Variants in CTNNA2 observed in about 807,000 individuals in gnomAD.
CTNNA2 encodes the protein catenin alpha 2.
Under a neutral mutation model 101.0 loss-of-function variants are expected in CTNNA2, and 42 were observed. That is an observed-to-expected ratio of 0.42 (90% confidence interval 0.32 to 0.54). The LOEUF (loss-of-function observed/expected upper bound fraction) is 0.54, where lower values mean the gene tolerates loss of function less well. CTNNA2 is among the 20% of genes least tolerant of loss of function. CTNNA2 has a pLI of 0.14. For missense variants in CTNNA2, 871 were observed against 1,223.1 expected (o/e 0.71, Z 4.29); for synonymous variants, 450 against 456.4 (o/e 0.99, Z 0.18).
At chr2:79,518,343 T>C (rs1199978500) in intron 1 of CTNNA2, among the ~76,000 whole-genome samples, 1 of 152,184 alleles carries the variant, frequency 6.6e-6, no homozygotes, top group Non-Finnish European at 1.5e-5. Context: ...TGAGTGGACA[T>C]GCCAGAGGGC....
intron 7 of CTNNA2, among the ~76,000 whole-genome samples, chr2:79,993,649 G>A (rs753296754): frequency 1.3e-5 from 2 of 152,162 alleles, no homozygotes; most frequent in Admixed American, 6.5e-5. Context: ...CAGGTAGTGT[G>A]GAGTGAAGAG....
At chr2:80,430,401 A>G (rs1681382891) in intron 9 of CTNNA2, among the ~76,000 whole-genome samples, 1 of 152,188 alleles carries the variant, frequency 6.6e-6, no homozygotes, top group African/African-American at 2.4e-5. Flanking sequence ...GAGAAACCTG[A>G]GGCTCAAGGA....
chr2:79,266,386 A>G (rs1674986802), intron 2 of CTNNA2, among the ~76,000 whole-genome samples: 1 of 152,170 alleles, frequency 6.6e-6, no homozygotes, highest in Admixed American at 6.5e-5. Context: ...AGTGTCAGTT[A>G]CCCACCGTGG....
chr2:79,874,384 G>C, intron 6 of CTNNA2, 42 bp downstream of exon 6: 1 of 1,562,110 alleles, frequency 6.4e-7, no homozygotes, highest in African/African-American at 1.5e-5. Flanking sequence ...GGGCACTGGT[G>C]TTGACAAAAA....
chr2:79,476,144 G>A (rs780542663), intron 4 of CTNNA2, among the ~76,000 whole-genome samples: 5 of 152,218 alleles, frequency 3.3e-5, no homozygotes, highest in Non-Finnish European at 7.3e-5. Context: ...AAAAGCAAGT[G>A]TGATTTGAAA....
chr2:79,316,320 G>A (rs1002192027), intron 3 of CTNNA2, among the ~76,000 whole-genome samples: 3 of 152,010 alleles, frequency 2.0e-5, no homozygotes, highest in Non-Finnish European at 4.4e-5. Context: ...CTCTTCTTAT[G>A]CCTGTACCAC....
chr2:80,602,812 A>C (rs918206596), intron 15 of CTNNA2, among the ~76,000 whole-genome samples: 2 of 152,086 alleles, frequency 1.3e-5, no homozygotes, highest in African/African-American at 2.4e-5. Context: ...ACTACAACAA[A>C]ATGAAATACC....
At chr2:79,802,512 A>C (rs971905638) in intron 3 of CTNNA2, among the ~76,000 whole-genome samples, 1 of 152,160 alleles carries the variant, frequency 6.6e-6, no homozygotes, top group African/African-American at 2.4e-5. Context: ...AGTGACCCCA[A>C]GGTTACAAAG....
intron 3 of CTNNA2, among the ~76,000 whole-genome samples, chr2:79,798,560 C>CTTTTTTTT (rs34542700): frequency 1.1e-4 from 13 of 123,792 alleles, no homozygotes; most frequent in African/African-American, 3.8e-4. Context: ...TATAATAAGA[C>CTTTTTTTT]TTTTTTTTTT....
intron 2 of CTNNA2, among the ~76,000 whole-genome samples, chr2:79,254,804 A>G (rs533797326): frequency 4.4e-4 from 67 of 152,342 alleles, no homozygotes; most frequent in African/African-American, 1.2e-3. Flanking sequence ...AAATGACAAC[A>G]TTGTTTATCT....
At chr2:79,231,341 C>G (rs1312552055) in intron 2 of CTNNA2, among the ~76,000 whole-genome samples, 2 of 152,130 alleles carry the variant, frequency 1.3e-5, no homozygotes, top group Admixed American at 1.3e-4. Context: ...ATGGGTTTAT[C>G]TGGGTTTTCC....
At chr2:79,872,851 T>A (rs1318274312) in intron 5 of CTNNA2, among the ~76,000 whole-genome samples, 2 of 138,470 alleles carry the variant, frequency 1.4e-5, no homozygotes, top group African/African-American at 6.0e-5. Flanking sequence ...GCTGGAAGAA[T>A]ATTCTCCCAG....
At chr2:80,129,401 A>G (rs1702298476) in intron 7 of CTNNA2, among the ~76,000 whole-genome samples, 1 of 152,174 alleles carries the variant, frequency 6.6e-6, no homozygotes, top group Non-Finnish European at 1.5e-5. Flanking sequence ...TCTTCACAGC[A>G]GGTTGTCTTG....
chr2:79,435,698 C>A (rs1481487908), intron 4 of CTNNA2, among the ~76,000 whole-genome samples: 1 of 152,122 alleles, frequency 6.6e-6, no homozygotes, highest in Admixed American at 6.5e-5. Context: ...TTGATGACAA[C>A]AAATGCAGCA....
At chr2:80,552,405 CAAA>C (rs1692645945) in intron 11 of CTNNA2, among the ~76,000 whole-genome samples, 1 of 152,078 alleles carries the variant, frequency 6.6e-6, no homozygotes, top group Non-Finnish European at 1.5e-5. Flanking sequence ...TAATAAAGTA[CAAA>C]TCTATTTGAA....
At chr2:80,447,201 A>G (rs1683141468) in intron 9 of CTNNA2, among the ~76,000 whole-genome samples, 1 of 152,160 alleles carries the variant, frequency 6.6e-6, no homozygotes, top group African/African-American at 2.4e-5. Context: ...CTTCTGCAAG[A>G]GCTAGAGATT....
intron 1 of CTNNA2, among the ~76,000 whole-genome samples, chr2:79,637,473 C>G (rs1231729527): frequency 6.6e-6 from 1 of 152,054 alleles, no homozygotes; most frequent in Non-Finnish European, 1.5e-5. Context: ...TGGCTGATGC[C>G]CACATGTATT....
rs150460803 is a variant in CTNNA2, at chr2:79,746,795, G to T, written c.298+2213G>T. On this transcript the variant is annotated intron_variant, in intron 3 of 18. Transcript: ENST00000402739. ...AAACTCCTGTCATACTTTTTAATGG[G>T]TTCTTTCCTTGTTACTTTTCACAGG... is the stretch of plus-strand genomic sequence containing the variant. Among the ~76,000 whole-genome samples, 1,153 of 152,228 alleles carry T rather than the reference G, an allele frequency of 7.6e-3. 6 individuals carry two copies. The highest frequency in any genetic ancestry group is 0.02 in the Middle Eastern group (6 of 294).
chr2:79,742,832 A>T (rs1671383538), intron 2 of CTNNA2, among the ~76,000 whole-genome samples: 1 of 152,206 alleles, frequency 6.6e-6, no homozygotes, highest in Admixed American at 6.5e-5. Context: ...CTACCTAATT[A>T]TTTAGCAATC....
Sources: allele counts gnomAD v4.1 joint callset (sites outside exome capture counted in the v4.1 genomes callset), GRCh38; gene constraint gnomAD v4.1.1; transcripts MANE v1.5; gene names NCBI Gene and HGNC (gene_info 2026-07-23, HGNC 2026-07-21).